Variants in METTL9 observed in about 807,000 individuals in gnomAD.
METTL9 encodes the protein methyltransferase 9, His-X-His N1(pi)-histidine, also known as protein-L-histidine N-pros-methyltransferase.
METTL9 carries 10 observed loss-of-function variants against 36.0 expected under a neutral mutation model. The observed-to-expected ratio is 0.28, with a 90% CI of 0.17 to 0.47. The LOEUF (loss-of-function observed/expected upper bound fraction) is 0.47, where lower values mean the gene tolerates loss of function less well. METTL9 is among the 20% of genes least tolerant of loss of function. METTL9 has a pLI of 0.99. For missense variants in METTL9, 246 were observed against 383.5 expected (o/e 0.64, Z 3.00); for synonymous variants, 175 against 149.7 (o/e 1.17, Z -1.23).
intron 4 of METTL9, among the ~76,000 whole-genome samples, chr16:21,647,986 G>A (rs1200771956): frequency 6.6e-6 from 1 of 152,208 alleles, no homozygotes; most frequent in Admixed American, 6.5e-5. Flanking sequence ...TGCTTTGTGG[G>A]AGTTGAGATC....
At chr16:21,640,965 A>C (rs975661156) in intron 4 of METTL9, 1 of 152,116 alleles carries the variant, frequency 6.6e-6, no homozygotes, top group South Asian at 2.1e-4. Flanking sequence ...TTATGGTCTT[A>C]CTCTAGCCAC....
intron 4 of METTL9, 32 bp downstream of exon 4, chr16:21,625,147 G>A: frequency 6.2e-7 from 1 of 1,606,122 alleles, no homozygotes; most frequent in Non-Finnish European, 8.5e-7. Flanking sequence ...AGCTCTTACT[G>A]AGGATAGCTG....
Position 21,644,455 on chromosome 16 carries a change from A to G in METTL9, c.752-10772A>G, listed in dbSNP as rs1966368605. 7 of 1,203,046 alleles carry G rather than the reference A, an allele frequency of 5.8e-6. No individual in the cohort carries two copies. In the South Asian group the frequency reaches 8.6e-5, roughly 15 times the overall value. 74.5% of individuals were successfully genotyped at this position (1,203,046 alleles called of 1,614,324 possible). A position where few individuals can be genotyped will look rare whatever the true frequency, so the allele number is the denominator to read the frequency against. On this transcript the variant is annotated intron_variant, in intron 4 of 4. Transcript: ENST00000358154. ...TATTAAAGCCTATTCTTTCAAATAC[A>G]TGTGTAAAGTATCCTTCACACTGCG...
rs756317662 is a variant in METTL9, at chr16:21,647,425, C to G, written c.752-7802C>G. 6.2e-7 allele frequency: 1 copy of G among 1,613,896 alleles called. No homozygotes were observed. Among genetic ancestry groups the G allele is most frequent in the Non-Finnish European group, 8.5e-7 (1 of 1,179,996 alleles). The stretch of plus-strand genomic sequence containing the variant: ...AGAAGGTACACTTTATGGTGACGGC[C>G]TCATGAGTGTAGTCCACTTCTAGGT... On this transcript the variant is annotated intron_variant, in intron 4 of 4. Coordinates refer to ENST00000358154, the MANE Select transcript of METTL9 (RefSeq NM_016025.5).
At chr16:21,624,840 C>G in intron 3 of METTL9, 91 bp from the exon 4 acceptor site, 1 of 1,141,538 alleles carries the variant, frequency 8.8e-7, no homozygotes, top group Non-Finnish European at 1.3e-6. Context: ...ATTTAGAAGA[C>G]AAAGTTAAAG....
chr16:21,636,916 G>C (rs1031008802), intron 4 of METTL9, among the ~76,000 whole-genome samples: 1 of 152,192 alleles, frequency 6.6e-6, no homozygotes, highest in South Asian at 2.1e-4. Flanking sequence ...TCACCACTTG[G>C]CGATAGGTGA....
intron 4 of METTL9, among the ~76,000 whole-genome samples, chr16:21,649,606 T>C (rs555579582): frequency 1.2e-4 from 19 of 152,344 alleles, no homozygotes; most frequent in African/African-American, 4.6e-4. Context: ...TGCCAAAACT[T>C]AGCAAAGTTA....
chr16:21,618,094 A>T lies in METTL9; in HGVS notation c.566+20A>T. On this transcript the variant is annotated intron_variant, in intron 3 of 4. Transcript: ENST00000358154. ...ATACAGGTATAATTTTCTTGGTTTT[A>T]GATGCATTTCTTCTTGAAAGTATAT... 1 of 1,469,580 alleles carries T rather than the reference A, an allele frequency of 6.8e-7. No homozygotes were observed. The allele number at this position is 1,469,580 out of a possible 1,614,324, so 91.0% of individuals were successfully genotyped here.
chr16:21,635,156 G>A (rs1241986339), intron 4 of METTL9, among the ~76,000 whole-genome samples: 1 of 152,166 alleles, frequency 6.6e-6, no homozygotes, highest in Non-Finnish European at 1.5e-5. Flanking sequence ...CCTAGACCCT[G>A]TAGGACATCT....
chr16:21,633,662 C>T (rs1328896641), intron 4 of METTL9, among the ~76,000 whole-genome samples: 1 of 152,142 alleles, frequency 6.6e-6, no homozygotes, highest in African/African-American at 2.4e-5. Context: ...GGAATTACTG[C>T]CTCATTGATG....
At chr16:21,624,829 A>T in intron 3 of METTL9, 102 bp from the exon 4 acceptor site, 1 of 1,021,112 alleles carries the variant, frequency 9.8e-7, no homozygotes, top group Non-Finnish European at 1.5e-6. Context: ...TTTTGAACTT[A>T]ATTTAGAAGA....
At chr16:21,631,746 G>C (rs1965966691) in intron 4 of METTL9, among the ~76,000 whole-genome samples, 1 of 152,050 alleles carries the variant, frequency 6.6e-6, no homozygotes, top group African/African-American at 2.4e-5. Context: ...AGTGGCCTCA[G>C]TGCTTTCGCG....
At chr16:21,600,515 T>G (rs938644249) in intron 1 of METTL9, among the ~76,000 whole-genome samples, 6 of 152,184 alleles carry the variant, frequency 3.9e-5, no homozygotes, top group Admixed American at 1.3e-4. Flanking sequence ...CTAGCAGAGA[T>G]CTCCTTTAAA....
chr16:21,655,462 GCA>G lies in METTL9; in HGVS notation c.*32_*33del. On this transcript the variant is annotated 3_prime_UTR_variant, in exon 5 of 5. Coordinates refer to ENST00000358154, the MANE Select transcript of METTL9 (RefSeq NM_016025.5). ...GTGGAGGTCGAAGTCTTCAGAGTCC[GCA>G]CCCTCCGGGATGTGCCCTTGGAAGA... 6.3e-7 allele frequency: 1 copy of G among 1,580,902 alleles called. No individual in the cohort carries two copies.
At chr16:21,654,959 G>GT (rs1393859734) in intron 4 of METTL9, 4 of 472,772 alleles carry the variant, frequency 8.5e-6, no homozygotes, top group African/African-American at 7.7e-5. Flanking sequence ...AACAGTGTGG[G>GT]GCCTTGGATC....
intron 1 of METTL9, among the ~76,000 whole-genome samples, chr16:21,605,056 G>A (rs1965236103): frequency 6.6e-6 from 1 of 151,972 alleles, no homozygotes; most frequent in African/African-American, 2.4e-5. Flanking sequence ...TTGGAGGTTG[G>A]TGGTATCATC....
At chr16:21,641,283 A>G (rs984627909) in intron 4 of METTL9, 2 of 298,634 alleles carry the variant, frequency 6.7e-6, no homozygotes, top group African/African-American at 4.4e-5. Context: ...GACTCAGGAT[A>G]CAAGTTTAAA....
chr16:21,631,473 T>C (rs1359866375), intron 4 of METTL9, among the ~76,000 whole-genome samples: 1 of 152,232 alleles, frequency 6.6e-6, no homozygotes, highest in Non-Finnish European at 1.5e-5. Flanking sequence ...AAGGCTCAGC[T>C]GAGTGCAAAC....
At chr16:21,603,166 G>T (rs1330580398) in intron 1 of METTL9, among the ~76,000 whole-genome samples, 1 of 151,220 alleles carries the variant, frequency 6.6e-6, no homozygotes, top group Non-Finnish European at 1.5e-5. Context: ...TGGAGACAGG[G>T]TCTCACTGTG....
Sources: allele counts gnomAD v4.1 joint callset (sites outside exome capture counted in the v4.1 genomes callset), GRCh38; gene constraint gnomAD v4.1.1; transcripts MANE v1.5; gene names NCBI Gene and HGNC (gene_info 2026-07-23, HGNC 2026-07-21).